AGBL1: variants seen among roughly 807,000 people sequenced by gnomAD.
The protein encoded by AGBL1 is cytosolic carboxypeptidase 4.
A neutral mutation model predicts 118.9 loss-of-function variants in AGBL1; 130 were observed. That is an observed-to-expected ratio of 1.09 (90% confidence interval 0.95 to 1.26). AGBL1 has a LOEUF of 1.26. Ranked by LOEUF, AGBL1 falls within the 50% of genes most tolerant of loss-of-function variation. AGBL1 has a pLI of 0.00. For missense variants in AGBL1, 1,584 were observed against 1,298.1 expected (o/e 1.22, Z -3.38); for synonymous variants, 555 against 478.9 (o/e 1.16, Z -2.08).
At chr15:86,378,415 G>A (rs2081068277) in intron 17 of AGBL1, among the ~76,000 whole-genome samples, 1 of 151,798 alleles carries the variant, frequency 6.6e-6, no homozygotes, top group Admixed American at 6.6e-5. Flanking sequence ...ACTTTCTTTT[G>A]GGGGTCTGTC....
intron 17 of AGBL1, among the ~76,000 whole-genome samples, chr15:86,395,190 C>T (rs2081345618): frequency 2.6e-5 from 4 of 152,022 alleles, no homozygotes; most frequent in South Asian, 2.1e-4. Flanking sequence ...AAGGATCTTA[C>T]CAGTTTAATA....
At chr15:86,555,302 C>G (rs1397547483) in intron 21 of AGBL1, among the ~76,000 whole-genome samples, 1 of 152,134 alleles carries the variant, frequency 6.6e-6, no homozygotes, top group Non-Finnish European at 1.5e-5. Context: ...CCATTCAACC[C>G]TAAGAATACC....
At chr15:86,851,931 T>A (rs896668163) in intron 22 of AGBL1, among the ~76,000 whole-genome samples, 7 of 152,154 alleles carry the variant, frequency 4.6e-5, no homozygotes, top group African/African-American at 1.4e-4. Context: ...AGGTTTTTAT[T>A]TTTTATTTTT....
intron 5 of AGBL1, among the ~76,000 whole-genome samples, chr15:86,207,406 A>G (rs1027845436): frequency 8.5e-5 from 13 of 152,188 alleles, no homozygotes; most frequent in African/African-American, 3.1e-4. Flanking sequence ...CTTGGGCAGT[A>G]TAGCCATTTT....
intron 5 of AGBL1, among the ~76,000 whole-genome samples, chr15:86,193,447 C>T (rs1216665433): frequency 6.6e-6 from 1 of 152,138 alleles, no homozygotes; most frequent in Non-Finnish European, 1.5e-5. Flanking sequence ...AGGTGGCAAA[C>T]TGAAGGTGTC....
At chr15:86,885,857 T>C (rs984791144) in intron 22 of AGBL1, among the ~76,000 whole-genome samples, 1 of 152,176 alleles carries the variant, frequency 6.6e-6, no homozygotes, top group African/African-American at 2.4e-5. Context: ...TCCCTGGGTG[T>C]TTCAGAAAGC....
intron 18 of AGBL1, among the ~76,000 whole-genome samples, chr15:86,486,858 G>C (rs1043560655): frequency 6.6e-6 from 1 of 151,724 alleles, no homozygotes; most frequent in South Asian, 2.1e-4. Flanking sequence ...ACTTTTATTC[G>C]ACTTGGACCT....
intron 1 of AGBL1, among the ~76,000 whole-genome samples, chr15:86,089,495 G>C (rs963767924): frequency 1.3e-5 from 2 of 152,182 alleles, no homozygotes; most frequent in Non-Finnish European, 2.9e-5. Context: ...ATGGCGATAA[G>C]GATAGCTTTA....
At chr15:86,471,994 C>T (rs2082485454) in intron 18 of AGBL1, among the ~76,000 whole-genome samples, 1 of 152,106 alleles carries the variant, frequency 6.6e-6, no homozygotes, top group Non-Finnish European at 1.5e-5. Flanking sequence ...AGAGGACACA[C>T]AAAGAAGAAG....
intron 22 of AGBL1, among the ~76,000 whole-genome samples, chr15:86,675,998 T>C (rs1224861968): frequency 2.6e-5 from 4 of 152,174 alleles, no homozygotes; most frequent in Non-Finnish European, 5.9e-5. Flanking sequence ...GGCTGCTATA[T>C]AGGTTATTAT....
chr15:86,306,241 T>C (rs1460733656), intron 17 of AGBL1, among the ~76,000 whole-genome samples: 1 of 152,110 alleles, frequency 6.6e-6, no homozygotes, highest in African/African-American at 2.4e-5. Flanking sequence ...CATTGGGCTA[T>C]CAAATAGTAG....
At chr15:87,015,805 G>A (rs1265670781) in intron 24 of AGBL1, among the ~76,000 whole-genome samples, 3 of 152,024 alleles carry the variant, frequency 2.0e-5, no homozygotes, top group Non-Finnish European at 4.4e-5. Context: ...TAAAACATTA[G>A]GAGTAATTTT....
chr15:86,641,910 A>G (rs971560593), intron 21 of AGBL1, among the ~76,000 whole-genome samples: 1 of 152,172 alleles, frequency 6.6e-6, no homozygotes, highest in African/African-American at 2.4e-5. Context: ...GCTTTAGGCT[A>G]GGGCTTGGGT....
At chr15:86,849,738 C>T (rs914497354) in intron 22 of AGBL1, among the ~76,000 whole-genome samples, 9 of 152,242 alleles carry the variant, frequency 5.9e-5, no homozygotes, top group South Asian at 2.1e-4. Context: ...ATCTGTGCTC[C>T]GCAGGGGCGA....
chr15:86,696,845 C>T (rs1039735863), intron 22 of AGBL1, among the ~76,000 whole-genome samples: 2 of 151,882 alleles, frequency 1.3e-5, no homozygotes, highest in Non-Finnish European at 2.9e-5. Flanking sequence ...TGTATATTTC[C>T]TTCATTTATG....
intron 22 of AGBL1, among the ~76,000 whole-genome samples, chr15:86,879,081 A>C (rs549741267): frequency 7.9e-5 from 12 of 152,378 alleles, no homozygotes; most frequent in Admixed American, 4.6e-4. Context: ...AAGTCTTTTC[A>C]TAGGGCTCGG....
At chr15:86,527,254 C>G (rs966293590) in intron 19 of AGBL1, among the ~76,000 whole-genome samples, 4 of 152,166 alleles carry the variant, frequency 2.6e-5, no homozygotes, top group African/African-American at 9.7e-5. Context: ...TTTAAACACG[C>G]ACACATTCAA....
At chr15:86,163,367 T>G (rs1332248012) in intron 5 of AGBL1, among the ~76,000 whole-genome samples, 3 of 152,104 alleles carry the variant, frequency 2.0e-5, no homozygotes, top group Non-Finnish European at 4.4e-5. Flanking sequence ...AGTTTGAGAC[T>G]ACAGTGAGTC....
chr15:87,012,856 C>G (rs2081575130), intron 24 of AGBL1, among the ~76,000 whole-genome samples: 1 of 152,014 alleles, frequency 6.6e-6, no homozygotes, highest in Non-Finnish European at 1.5e-5. Flanking sequence ...AGATGATTGC[C>G]CTTGAGGGCA....
Sources: allele counts gnomAD v4.1 joint callset (sites outside exome capture counted in the v4.1 genomes callset), GRCh38; gene constraint gnomAD v4.1.1; transcripts MANE v1.5; gene names NCBI Gene and HGNC (gene_info 2026-07-23, HGNC 2026-07-21).